Variants in TMEM245 observed in about 807,000 individuals in gnomAD.
TMEM245 encodes the protein transmembrane protein 245.
Under a neutral mutation model 101.2 loss-of-function variants are expected in TMEM245, and 69 were observed. The ratio of observed to expected loss-of-function variants is 0.68; its 90% CI spans 0.56 to 0.83. The LOEUF (loss-of-function observed/expected upper bound fraction) is 0.83, where lower values mean the gene tolerates loss of function less well. Ranked by LOEUF, TMEM245 falls within the 40% of genes least tolerant of loss-of-function variation. TMEM245 has a pLI of 0.00. For synonymous variants in TMEM245, 537 were observed against 449.8 expected (o/e 1.19, Z -2.45); for missense variants, 1,075 against 1,092.8 (o/e 0.98, Z 0.23).
At chr9:109,021,236 A>G (rs934569887) in intron 17 of TMEM245, among the ~76,000 whole-genome samples, 1 of 152,202 alleles carries the variant, frequency 6.6e-6, no homozygotes, top group Non-Finnish European at 1.5e-5. Context: ...CTAAATTTAC[A>G]TCTGTGCTGG....
intron 7 of TMEM245, among the ~76,000 whole-genome samples, chr9:109,083,006 C>T (rs1323802424): frequency 6.6e-6 from 1 of 151,532 alleles, no homozygotes; most frequent in Non-Finnish European, 1.5e-5. Flanking sequence ...GTTAAGTTAG[C>T]TGAGAACAGG....
At chr9:109,103,400 A>G (rs1235586659) in intron 3 of TMEM245, among the ~76,000 whole-genome samples, 1 of 152,246 alleles carries the variant, frequency 6.6e-6, no homozygotes, top group Non-Finnish European at 1.5e-5. Context: ...TAAGACATAT[A>G]CAAAGAAAAC....
At chr9:109,113,735 C>T (rs549503484) in intron 1 of TMEM245, among the ~76,000 whole-genome samples, 2 of 152,314 alleles carry the variant, frequency 1.3e-5, no homozygotes, top group Admixed American at 1.3e-4. Flanking sequence ...ACTGGAAAAA[C>T]AACTTGGTTG....
chr9:109,042,215 T>C (rs1211749832), intron 14 of TMEM245, among the ~76,000 whole-genome samples: 1 of 152,134 alleles, frequency 6.6e-6, no homozygotes, highest in Non-Finnish European at 1.5e-5. Flanking sequence ...ACTTGGCATG[T>C]AGTGGGTTGT....
At chr9:109,037,941 A>G (rs1828184376) in intron 15 of TMEM245, 76 bp downstream of exon 15, 1 of 1,197,738 alleles carries the variant, frequency 8.3e-7, no homozygotes, top group East Asian at 2.6e-5. Flanking sequence ...GAGGAAGTAG[A>G]CATTTCCTAG....
At chr9:109,114,510 C>T (rs1450874928) in intron 1 of TMEM245, among the ~76,000 whole-genome samples, 1 of 152,178 alleles carries the variant, frequency 6.6e-6, no homozygotes, top group Non-Finnish European at 1.5e-5. Flanking sequence ...CCCTGGTCTG[C>T]CCAAGGTCAC....
At chr9:109,057,102 G>T (rs1828861487) in intron 12 of TMEM245, 89 bp downstream of exon 12, 1 of 1,393,148 alleles carries the variant, frequency 7.2e-7, no homozygotes, top group Non-Finnish European at 9.8e-7. Flanking sequence ...AAACAGGATA[G>T]ATGAGGCCTC....
chr9:109,041,984 A>G (rs1017889479), intron 14 of TMEM245, among the ~76,000 whole-genome samples: 3 of 152,110 alleles, frequency 2.0e-5, no homozygotes, highest in Admixed American at 6.5e-5. Context: ...ACAAAAAATT[A>G]GCCAGGCATA....
intron 5 of TMEM245, among the ~76,000 whole-genome samples, chr9:109,088,133 T>G (rs985089091): frequency 2.6e-5 from 4 of 152,224 alleles, no homozygotes. Flanking sequence ...TTGGACCCTG[T>G]ATCTCAATCA....
In TMEM245 at chr9:109,073,856, GTTTTT is replaced by G. The variant is rs904054098; in HGVS notation, c.1450-423_1450-419del. Among the ~76,000 whole-genome samples the G allele has an allele frequency of 2.5e-5, 3 of 119,818 alleles. No individual in the cohort carries two copies. The Admixed American group carries it at 2.8e-4, about 11-fold the overall frequency. The allele number at this position is 119,818 out of a possible 152,430, so 78.6% of individuals were successfully genotyped here. On this transcript the variant is annotated intron_variant, in intron 8 of 17. Coordinates refer to ENST00000374586, the MANE Select transcript of TMEM245 (RefSeq NM_032012.4). ...AATAAGGAACTAACTTTTTTTTTTT[GTTTTT>G]TTTTTTTTTTTTTTAGCCAGGTTCT...
intron 5 of TMEM245, among the ~76,000 whole-genome samples, chr9:109,088,562 G>A (rs1453375828): frequency 6.6e-6 from 1 of 151,956 alleles, no homozygotes; most frequent in African/African-American, 2.4e-5. Flanking sequence ...GGGCACAGTG[G>A]CTCAACGCCT....
chr9:109,089,310 T>C (rs1208863159), intron 5 of TMEM245, among the ~76,000 whole-genome samples: 1 of 151,902 alleles, frequency 6.6e-6, no homozygotes. Context: ...TACTATACCA[T>C]GCTCTGGTCA....
chr9:109,050,084 T>C (rs543022618), intron 14 of TMEM245, among the ~76,000 whole-genome samples, 199 bp downstream of exon 14: 2 of 152,352 alleles, frequency 1.3e-5, no homozygotes, highest in African/African-American at 4.8e-5. Flanking sequence ...TGAGCCACTG[T>C]ACCTGGCCTG....
intron 3 of TMEM245, among the ~76,000 whole-genome samples, chr9:109,101,187 T>G (rs1014954583): frequency 6.6e-6 from 1 of 152,202 alleles, no homozygotes; most frequent in Non-Finnish European, 1.5e-5. Context: ...ACTCAGGCTT[T>G]GAATTCTGAT....
At chr9:109,111,563 C>T (rs910539206) in intron 1 of TMEM245, among the ~76,000 whole-genome samples, 1 of 141,034 alleles carries the variant, frequency 7.1e-6, no homozygotes, top group Admixed American at 6.8e-5. Flanking sequence ...TTTAAAATAA[C>T]CATTTTAAAA....
chr9:109,119,892 TA>T lies in TMEM245; in HGVS notation c.21del (p.Lys8ArgfsTer94). The T allele has an allele frequency of 7.8e-7, 1 of 1,274,082 alleles. No homozygotes were observed. Among genetic ancestry groups the T allele is most frequent in the Non-Finnish European group, 9.8e-7 (1 of 1,015,692 alleles). 78.9% of individuals were successfully genotyped at this position (1,274,082 alleles called of 1,614,324 possible). A position where few individuals can be genotyped will look rare whatever the true frequency, so the allele number is the denominator to read the frequency against. On this transcript the variant is annotated frameshift_variant, in exon 1 of 18. Transcript: ENST00000374586. LOFTEE classifies it high-confidence loss of function. MADGGG[P>X]KDAPSLRSSP... The stretch of plus-strand genomic sequence containing the variant: ...GAGCTCCGCAGGCTTGGCGCGTCCT[TA>T]GGGCCGCCGCCGTCGGCCATCGTTC...
intron 17 of TMEM245, among the ~76,000 whole-genome samples, chr9:109,024,538 C>T (rs149839606): frequency 5.0e-4 from 76 of 152,306 alleles, no homozygotes; most frequent in African/African-American, 1.7e-3. Context: ...ATCTATAAAA[C>T]GCGTATTAAG....
chr9:109,040,950 A>G (rs1177668772), intron 14 of TMEM245, among the ~76,000 whole-genome samples: 10 of 152,162 alleles, frequency 6.6e-5, no homozygotes, highest in Admixed American at 6.6e-4. Context: ...TCGTCTGTAA[A>G]TACCTAGGAG....
intron 12 of TMEM245, among the ~76,000 whole-genome samples, chr9:109,052,129 C>T (rs1828703648): frequency 6.7e-6 from 1 of 148,516 alleles, no homozygotes; most frequent in Non-Finnish European, 1.5e-5. Context: ...TATCTCAAAT[C>T]CCCTTATTAT....
Sources: gnomAD v4.1 joint callset for allele counts (sites outside exome capture counted in the v4.1 genomes callset) on GRCh38, gnomAD v4.1.1 for gene constraint, MANE v1.5 for transcripts, NCBI Gene and HGNC (gene_info 2026-07-23, HGNC 2026-07-21) for gene names.